TPH2: variants seen among roughly 807,000 people sequenced by gnomAD.
The protein encoded by TPH2 is tryptophan hydroxylase 2.
TPH2 carries 27 observed loss-of-function variants against 59.1 expected under a neutral mutation model. That is an observed-to-expected ratio of 0.46 (90% CI 0.34 to 0.63). TPH2 has a LOEUF of 0.63. Among genes scored for constraint, TPH2 ranks in the 30% least tolerant of loss-of-function variants. The pLI is 0.01. For synonymous variants in TPH2, 220 were observed against 210.5 expected (o/e 1.05, Z -0.39); for missense variants, 523 against 588.3 (o/e 0.89, Z 1.15).
intron 9 of TPH2, among the ~76,000 whole-genome samples, chr12:72,022,739 G>A (rs1424867180): frequency 6.6e-6 from 1 of 152,184 alleles, no homozygotes; most frequent in Non-Finnish European, 1.5e-5. Flanking sequence ...CAACAGCAAT[G>A]ACAAATGTAT....
intron 5 of TPH2, chr12:71,964,535 A>G (rs1871762775): frequency 1.0e-6 from 1 of 984,714 alleles, no homozygotes; most frequent in African/African-American, 1.7e-5. Context: ...TCTCAGAGGC[A>G]TAAGCCATCT....
intron 8 of TPH2, among the ~76,000 whole-genome samples, chr12:72,010,293 A>T (rs1383787256): frequency 6.6e-6 from 1 of 152,176 alleles, no homozygotes; most frequent in East Asian, 1.9e-4. Flanking sequence ...ACTGGCAGTG[A>T]TTATTATGAG....
chr12:72,014,378 T>G (rs1380469634), intron 8 of TPH2, among the ~76,000 whole-genome samples: 1 of 141,250 alleles, frequency 7.1e-6, no homozygotes, highest in Non-Finnish European at 1.5e-5. Context: ...GTCCCAGAAT[T>G]TTTTTTTTCT....
chr12:71,995,717 A>G (rs1458076409), intron 8 of TPH2, among the ~76,000 whole-genome samples: 6 of 152,172 alleles, frequency 3.9e-5, no homozygotes, highest in Non-Finnish European at 8.8e-5. Context: ...GCAGGTTCTC[A>G]GCTTTTACTG....
At chr12:71,941,330 A>G (rs1217713829) in intron 1 of TPH2, among the ~76,000 whole-genome samples, 1 of 152,174 alleles carries the variant, frequency 6.6e-6, no homozygotes, top group African/African-American at 2.4e-5. Flanking sequence ...TTGCTATTAA[A>G]GTGAAGCAAA....
At chr12:71,953,287 T>A (rs1871403902) in intron 5 of TPH2, among the ~76,000 whole-genome samples, 1 of 152,104 alleles carries the variant, frequency 6.6e-6, no homozygotes, top group South Asian at 2.1e-4. Context: ...CCAGGACTTG[T>A]GGGAAGTAGA....
chr12:71,977,191 G>A (rs1309644214), intron 6 of TPH2, among the ~76,000 whole-genome samples: 1 of 152,124 alleles, frequency 6.6e-6, no homozygotes, highest in Non-Finnish European at 1.5e-5. Context: ...CGAGTAGCTG[G>A]GACTACAGGT....
At chr12:71,972,244 T>A (rs1871992596) in intron 5 of TPH2, among the ~76,000 whole-genome samples, 1 of 152,226 alleles carries the variant, frequency 6.6e-6, no homozygotes, top group African/African-American at 2.4e-5. Flanking sequence ...TACTTGTTAC[T>A]GACCTCAGTT....
At chr12:71,978,482 G>A (rs1010877509) in intron 6 of TPH2, among the ~76,000 whole-genome samples, 2 of 152,136 alleles carry the variant, frequency 1.3e-5, no homozygotes, top group African/African-American at 2.4e-5. Context: ...AGGAGTTAGC[G>A]GGTATTGGCA....
intron 1 of TPH2, 132 bp downstream of exon 1, chr12:71,939,223 C>A: frequency 1.4e-6 from 1 of 737,024 alleles, no homozygotes; most frequent in South Asian, 1.5e-5. Flanking sequence ...ATCTGTCTAC[C>A]CTGCTTTCCT....
chr12:72,026,320 T>A (rs1188932136), intron 9 of TPH2, among the ~76,000 whole-genome samples: 1 of 152,176 alleles, frequency 6.6e-6, no homozygotes, highest in Non-Finnish European at 1.5e-5. Flanking sequence ...TTACTTATTA[T>A]TTTTTGGCTT....
intron 5 of TPH2, among the ~76,000 whole-genome samples, 196 bp from the exon 6 acceptor site, chr12:71,972,323 A>T (rs780351514): frequency 2.1e-4 from 32 of 152,222 alleles, no homozygotes; most frequent in Admixed American, 1.9e-3. Context: ...AAAATAATTT[A>T]TATGGAAATT....
rs756840935 is a variant in TPH2 at position 71,949,602 on chromosome 12, T to A, written c.555T>A (p.Asn185Lys). Residue 185 changes from asparagine to lysine, a missense_variant, in exon 5 of 11, where the codon AAT becomes AAA. Asn to Lys is a moderately conservative substitution (Grantham distance 94). Transcript: ENST00000333850. ...TTGTGTTTAAGGGATTTAAGGACAA[T>A]GTCTATCGACAGAGAAGAAAGTATT... ...LDADHPGFKD[N>K]VYRQRRKYFV... The A allele has an allele frequency of 1.1e-5, 18 of 1,613,172 alleles. No homozygotes were observed. In the South Asian group the frequency reaches 1.8e-4, roughly 16 times the overall value.
In TPH2 at chr12:72,027,302, A is replaced by G. The variant is rs142709445; in HGVS notation, c.1165-3956A>G. 9.1e-4 allele frequency among the ~76,000 whole-genome samples: 138 copies of G among 152,304 alleles called. 1 individual carries two copies. The highest frequency in any genetic ancestry group is 5.8e-3 in the South Asian group (28 of 4,826). ...GGGAGAAGGGCTGCACAAATGGTGG[A>G]AAGTGTGACTGAACACATATGTACA... On this transcript the variant is annotated intron_variant, in intron 9 of 10. Transcript: ENST00000333850.
chr12:72,020,482 G>GTTATT (rs1278257991), intron 8 of TPH2, among the ~76,000 whole-genome samples: 12 of 152,122 alleles, frequency 7.9e-5, no homozygotes, highest in East Asian at 7.7e-4. Context: ...AGGAAGGGCT[G>GTTATT]TTATTTTATT....
intron 8 of TPH2, 111 bp from the exon 9 acceptor site, chr12:72,022,288 T>C: frequency 2.7e-6 from 2 of 738,638 alleles, no homozygotes; most frequent in Non-Finnish European, 4.9e-6. Context: ...GTATTTAAAT[T>C]GATAATATTG....
At chr12:71,997,246 A>G (rs1872714923) in intron 8 of TPH2, among the ~76,000 whole-genome samples, 1 of 152,136 alleles carries the variant, frequency 6.6e-6, no homozygotes, top group Non-Finnish European at 1.5e-5. Flanking sequence ...CAAGACTGGG[A>G]AAAGTCCTGT....
At chr12:71,971,865 G>A (rs1592392831) in intron 5 of TPH2, among the ~76,000 whole-genome samples, 1 of 152,178 alleles carries the variant, frequency 6.6e-6, no homozygotes, top group East Asian at 1.9e-4. Flanking sequence ...TGACCCACAA[G>A]CCTAAAATAT....
At chr12:72,008,432 A>T (rs1305825826) in intron 8 of TPH2, among the ~76,000 whole-genome samples, 2 of 152,144 alleles carry the variant, frequency 1.3e-5, no homozygotes, top group East Asian at 1.9e-4. Flanking sequence ...GCTGTTCCTT[A>T]TTGTCCCAGG....
Sources: allele counts gnomAD v4.1 joint callset (sites outside exome capture counted in the v4.1 genomes callset), GRCh38; gene constraint gnomAD v4.1.1; transcripts MANE v1.5; gene names NCBI Gene and HGNC (gene_info 2026-07-23, HGNC 2026-07-21).